DNAH7: variants seen among roughly 807,000 people sequenced by gnomAD.
DNAH7 encodes axonemal beta dynein heavy chain 7.
Under a neutral mutation model 444.6 loss-of-function variants are expected in DNAH7, and 397 were observed. The observed-to-expected ratio is 0.89, with a 90% CI of 0.82 to 0.97. The LOEUF (loss-of-function observed/expected upper bound fraction) is 0.97, where lower values mean the gene tolerates loss of function less well. Among genes scored for constraint, DNAH7 ranks in the 50% least tolerant of loss-of-function variants. The pLI is 0.00. For synonymous variants in DNAH7, 1,636 were observed against 1,624.4 expected (o/e 1.01, Z -0.17); for missense variants, 4,902 against 4,800.8 (o/e 1.02, Z -0.62).
intron 36 of DNAH7, among the ~76,000 whole-genome samples, chr2:195,881,029 C>G (rs1277506482): frequency 2.6e-5 from 4 of 151,758 alleles, no homozygotes; most frequent in Non-Finnish European, 5.9e-5. Flanking sequence ...CAAAAACACT[C>G]CCTGATTTAA....
chr2:195,796,656 C>G lies in DNAH7; in HGVS notation c.10435G>C (p.Val3479Leu), dbSNP rs376016622. ...PIAMKMLEKAVKEGTWVVLQN... is the reference protein window; with the variant it reads ...PIAMKMLEKALKEGTWVVLQN... ...AGAACAACCCATGTTCCTTCCTTGACAGCTTTTTCTAACATCTTCATAGCA... is the reference window on the plus strand; with the variant it reads ...AGAACAACCCATGTTCCTTCCTTGAGAGCTTTTTCTAACATCTTCATAGCA... Residue 3479 changes from valine (V) to leucine (L), a missense_variant, in exon 56 of 65, where the codon GTC becomes CTC. Transcript: ENST00000312428. 14 of 1,614,188 alleles carry G rather than the reference C, an allele frequency of 8.7e-6. No homozygotes were observed. Among genetic ancestry groups the G allele is most frequent in the Non-Finnish European group, 1.2e-5 (14 of 1,180,014 alleles).
intron 63 of DNAH7, among the ~76,000 whole-genome samples, chr2:195,750,003 TAAAG>T (rs1045848089): frequency 2.0e-5 from 3 of 151,566 alleles, no homozygotes; most frequent in Non-Finnish European, 4.4e-5. Flanking sequence ...TAAAATAAAA[TAAAG>T]AAATAAAATA....
intron 45 of DNAH7, 83 bp downstream of exon 45, chr2:195,855,728 T>C (rs1022480503): frequency 6.9e-7 from 1 of 1,447,856 alleles, no homozygotes; most frequent in Non-Finnish European, 9.4e-7. Flanking sequence ...GAAACAGGAC[T>C]GGTGTGTTAT....
chr2:195,768,193 T>C (rs1694673797), intron 61 of DNAH7, among the ~76,000 whole-genome samples: 1 of 146,126 alleles, frequency 6.8e-6, no homozygotes, highest in Non-Finnish European at 1.5e-5. Flanking sequence ...ATATATCTTT[T>C]ATATATATAT....
At chr2:195,948,633 T>C (rs1317612013) in intron 19 of DNAH7, among the ~76,000 whole-genome samples, 1 of 152,206 alleles carries the variant, frequency 6.6e-6, no homozygotes, top group Admixed American at 6.5e-5. Flanking sequence ...AGGTCTCTGT[T>C]CTGTTCCATT....
intron 58 of DNAH7, among the ~76,000 whole-genome samples, chr2:195,785,701 T>C (rs1274426076): frequency 6.6e-6 from 1 of 151,950 alleles, no homozygotes; most frequent in Non-Finnish European, 1.5e-5. Context: ...AGCCTTCTAA[T>C]TCATTAACTG....
At chr2:196,025,445 C>G (rs570882124) in intron 7 of DNAH7, among the ~76,000 whole-genome samples, 3 of 152,218 alleles carry the variant, frequency 2.0e-5, no homozygotes, top group South Asian at 4.2e-4. Flanking sequence ...ATATAAAGCC[C>G]TTCAGATTCT....
intron 57 of DNAH7, 61 bp downstream of exon 57, chr2:195,794,277 C>G: frequency 6.5e-7 from 1 of 1,532,778 alleles, no homozygotes; most frequent in East Asian, 2.3e-5. Flanking sequence ...CATCCATGAT[C>G]ACCAGGGGCC....
At position 195,875,779 on chromosome 2, in the gene DNAH7, T is replaced by A. The variant is rs755211737; in HGVS notation, c.6182A>T (p.Glu2061Val). ...REVYGAQPPIELLRQWLDHWN... is the reference protein window; with the variant it reads ...REVYGAQPPIVLLRQWLDHWN... Reference sequence around the variant, plus strand: ...GTGGTCTAACCACTGTCTAAGTAACTCAATGGGAGGTTGAGCCCCATATAC... The same window carrying A: ...GTGGTCTAACCACTGTCTAAGTAACACAATGGGAGGTTGAGCCCCATATAC... Residue 2061 changes from glutamate (E) to valine (V), a missense_variant, in exon 38 of 65, where the codon GAG becomes GTG. Physicochemically the swap from Glu to Val is moderately radical, Grantham distance 121. Coordinates refer to ENST00000312428, the MANE Select transcript of DNAH7 (RefSeq NM_018897.3). 1.9e-6 allele frequency: 3 copies of A among 1,613,802 alleles called. No individual in the cohort carries two copies. The East Asian group carries it at 6.7e-5, about 36-fold the overall frequency.
intron 1 of DNAH7, 77 bp downstream of exon 1, chr2:196,068,620 G>A: frequency 6.5e-7 from 1 of 1,540,758 alleles, no homozygotes; most frequent in Non-Finnish European, 8.8e-7. Context: ...CGCTAGGCAG[G>A]AGGGGCTTCC....
intron 35 of DNAH7, among the ~76,000 whole-genome samples, chr2:195,884,192 T>C (rs557305839): frequency 1.3e-5 from 2 of 152,364 alleles, no homozygotes; most frequent in South Asian, 2.1e-4. Context: ...TGAATTAAGA[T>C]TATACCAGCT....
chr2:195,874,349 G>T (rs1316302564), intron 38 of DNAH7, among the ~76,000 whole-genome samples: 1 of 152,170 alleles, frequency 6.6e-6, no homozygotes, highest in Non-Finnish European at 1.5e-5. Context: ...CAGAAGAAAA[G>T]ATGGTAAGAT....
chr2:195,810,536 C>T (rs1346400009), intron 51 of DNAH7, among the ~76,000 whole-genome samples: 1 of 152,118 alleles, frequency 6.6e-6, no homozygotes, highest in Non-Finnish European at 1.5e-5. Context: ...CTCAGCCTCC[C>T]AAGTAGCTGG....
intron 46 of DNAH7, among the ~76,000 whole-genome samples, chr2:195,850,171 A>G: frequency 6.6e-6 from 1 of 152,190 alleles, no homozygotes; most frequent in Admixed American, 6.5e-5. Flanking sequence ...AATATCAGAG[A>G]ATAACCAAAA....
chr2:195,991,508 A>G (rs1693340213), intron 12 of DNAH7, among the ~76,000 whole-genome samples: 1 of 152,262 alleles, frequency 6.6e-6, no homozygotes, highest in African/African-American at 2.4e-5. Context: ...TTAAAAAATT[A>G]CAAAACAGCT....
At chr2:195,968,580 T>C (rs955432679) in intron 17 of DNAH7, among the ~76,000 whole-genome samples, 1 of 152,112 alleles carries the variant, frequency 6.6e-6, no homozygotes, top group African/African-American at 2.4e-5. Flanking sequence ...CTACACTGCT[T>C]AGGGTTGGGA....
chr2:195,792,526 G>A (rs1389628171), intron 57 of DNAH7, among the ~76,000 whole-genome samples: 1 of 151,420 alleles, frequency 6.6e-6, no homozygotes, highest in Admixed American at 6.6e-5. Flanking sequence ...GATTAAAAGA[G>A]ACAAAAGAGA....
intron 15 of DNAH7, among the ~76,000 whole-genome samples, chr2:195,979,444 C>T (rs1692415646): frequency 6.6e-6 from 1 of 152,012 alleles, no homozygotes. Flanking sequence ...GGAAACATAA[C>T]ATACCAAAAC....
intron 9 of DNAH7, among the ~76,000 whole-genome samples, chr2:196,018,703 G>A (rs1175901152): frequency 6.6e-6 from 1 of 152,044 alleles, no homozygotes; most frequent in Admixed American, 6.6e-5. Flanking sequence ...TGGGTTAATG[G>A]GTACAAGAAA....
Sources: gnomAD v4.1 joint callset for allele counts (sites outside exome capture counted in the v4.1 genomes callset) on GRCh38, gnomAD v4.1.1 for gene constraint, MANE v1.5 for transcripts, NCBI Gene and HGNC (gene_info 2026-07-23, HGNC 2026-07-21) for gene names.